The following PLPPR1 variants were observed in gnomAD, a reference collection of about 807,000 sequenced individuals.
PLPPR1 encodes the protein phospholipid phosphatase related 1, also known as phospholipid phosphatase-related protein type 1.
PLPPR1 carries 10 observed loss-of-function variants against 33.1 expected under a neutral mutation model. The ratio of observed to expected loss-of-function variants is 0.30; its 90% confidence interval spans 0.19 to 0.51. The LOEUF (loss-of-function observed/expected upper bound fraction) is 0.51, where lower values mean the gene tolerates loss of function less well. Among genes scored for constraint, PLPPR1 ranks in the 20% least tolerant of loss-of-function variants. The probability of loss-of-function intolerance (pLI) is 0.97; values close to 1 mark genes in which losing one functional copy is unlikely to be tolerated. For missense variants in PLPPR1, 304 were observed against 408.1 expected (o/e 0.74, Z 2.20); for synonymous variants, 151 against 151.0 (o/e 1.00, Z 0.00).
chr9:101,071,372 T>A (rs1382378494), intron 1 of PLPPR1, among the ~76,000 whole-genome samples: 5 of 152,246 alleles, frequency 3.3e-5, no homozygotes, highest in African/African-American at 1.2e-4. Context: ...TGCAGACTGA[T>A]GTAACCTGGT....
intron 1 of PLPPR1, among the ~76,000 whole-genome samples, chr9:101,139,367 C>T (rs1460282258): frequency 6.6e-6 from 1 of 152,084 alleles, no homozygotes; most frequent in Non-Finnish European, 1.5e-5. Context: ...GAAAATGTCA[C>T]CACCCAAAGA....
chr9:101,235,108 C>A (rs1489465445), intron 2 of PLPPR1, among the ~76,000 whole-genome samples: 5 of 151,814 alleles, frequency 3.3e-5, no homozygotes, highest in Non-Finnish European at 7.4e-5. Context: ...TGGTATTTAA[C>A]AATCTTTCTA....
intron 1 of PLPPR1, among the ~76,000 whole-genome samples, chr9:101,146,402 T>C (rs1341751688): frequency 2.6e-5 from 4 of 152,204 alleles, no homozygotes; most frequent in African/African-American, 9.6e-5. Context: ...TGGAGGCCCA[T>C]GTAGTGGAAA....
At chr9:101,162,500 C>T (rs1019873) in intron 1 of PLPPR1, among the ~76,000 whole-genome samples, 25,931 of 152,202 alleles carry the variant, frequency 0.17, 2,410 homozygotes, top group Non-Finnish European at 0.22. Flanking sequence ...TTTATTTGCT[C>T]AGGGAAGAAT....
At chr9:101,263,693 T>C (rs1397022946) in intron 2 of PLPPR1, among the ~76,000 whole-genome samples, 1 of 152,194 alleles carries the variant, frequency 6.6e-6, no homozygotes, top group African/African-American at 2.4e-5. Context: ...ATATTTATAG[T>C]AATCATCCAA....
chr9:101,276,874 G>T (rs566537784), intron 3 of PLPPR1, among the ~76,000 whole-genome samples: 1 of 152,240 alleles, frequency 6.6e-6, no homozygotes, highest in Non-Finnish European at 1.5e-5. Context: ...AAACAGCCTT[G>T]GTTCCATTTA....
At chr9:101,134,620 G>A (rs912557500) in intron 1 of PLPPR1, among the ~76,000 whole-genome samples, 3 of 152,166 alleles carry the variant, frequency 2.0e-5, no homozygotes, top group African/African-American at 7.2e-5. Context: ...CTGAGCTCAA[G>A]TGATTTGCCC....
intron 4 of PLPPR1, among the ~76,000 whole-genome samples, chr9:101,302,884 A>T (rs1035408681): frequency 1.3e-5 from 2 of 152,252 alleles, no homozygotes; most frequent in African/African-American, 4.8e-5. Flanking sequence ...AAGTATCCTC[A>T]ATATCATACA....
At chr9:101,279,702 C>T (rs59498178) in intron 3 of PLPPR1, among the ~76,000 whole-genome samples, 4,282 of 152,080 alleles carry the variant, frequency 0.028, 200 homozygotes, top group African/African-American at 0.097. Context: ...TTAAACAATA[C>T]GTTCCTGAAT....
At chr9:101,189,411 G>T (rs1192548307) in intron 2 of PLPPR1, among the ~76,000 whole-genome samples, 1 of 152,058 alleles carries the variant, frequency 6.6e-6, no homozygotes, top group Non-Finnish European at 1.5e-5. Flanking sequence ...GACTGTAAAT[G>T]TTTCTTATCA....
chr9:101,306,824 C>T (rs983131757), intron 4 of PLPPR1, among the ~76,000 whole-genome samples: 2 of 152,144 alleles, frequency 1.3e-5, no homozygotes, highest in Non-Finnish European at 2.9e-5. Context: ...ATACTGGAGA[C>T]CAAATGGTGT....
chr9:101,239,062 T>A (rs558613184), intron 2 of PLPPR1, among the ~76,000 whole-genome samples: 850 of 20,582 alleles, frequency 0.041, 8 homozygotes, highest in Middle Eastern at 0.1. Context: ...TTTCATTGAG[T>A]GTGTGTGTGT....
chr9:101,283,119 G>T (rs913656573), intron 3 of PLPPR1, among the ~76,000 whole-genome samples: 1 of 151,974 alleles, frequency 6.6e-6, no homozygotes, highest in African/African-American at 2.4e-5. Context: ...TCACAGCCGT[G>T]AGCCACCACA....
chr9:101,122,777 T>C (rs1008101328), intron 1 of PLPPR1, among the ~76,000 whole-genome samples: 1 of 152,240 alleles, frequency 6.6e-6, no homozygotes, highest in African/African-American at 2.4e-5. Context: ...TTTTGTATAC[T>C]ACTGTACTTC....
intron 1 of PLPPR1, among the ~76,000 whole-genome samples, chr9:101,095,112 G>C (rs1003836934): frequency 6.6e-6 from 1 of 152,154 alleles, no homozygotes; most frequent in Non-Finnish European, 1.5e-5. Context: ...CAAATTGTCT[G>C]TCCTGGAATG....
chr9:101,100,385 A>C (rs1164120239), intron 1 of PLPPR1, among the ~76,000 whole-genome samples: 2 of 152,056 alleles, frequency 1.3e-5, no homozygotes, highest in African/African-American at 2.4e-5. Flanking sequence ...AATAAGAATT[A>C]GGTTTTACCT....
intron 1 of PLPPR1, among the ~76,000 whole-genome samples, chr9:101,085,107 T>C (rs950885979): frequency 1.3e-5 from 2 of 152,268 alleles, no homozygotes; most frequent in African/African-American, 4.8e-5. Context: ...AGCCAATGGA[T>C]AGCCATGATC....
chr9:101,248,914 T>C (rs10989456), intron 2 of PLPPR1, among the ~76,000 whole-genome samples: 50,413 of 151,852 alleles, frequency 0.33, 8,420 homozygotes, highest in Admixed American at 0.38. Context: ...CAAAAAGTGG[T>C]CTTAAGATTG....
intron 2 of PLPPR1, among the ~76,000 whole-genome samples, chr9:101,240,395 A>G (rs1206536672): frequency 6.7e-6 from 1 of 148,744 alleles, no homozygotes; most frequent in African/African-American, 2.6e-5. Flanking sequence ...TTGTGGTTCC[A>G]TACAAATTTT....
Sources: allele counts gnomAD v4.1 joint callset (sites outside exome capture counted in the v4.1 genomes callset), GRCh38; gene constraint gnomAD v4.1.1; transcripts MANE v1.5; gene names NCBI Gene and HGNC (gene_info 2026-07-23, HGNC 2026-07-21).